Variants in ESRRG observed in about 807,000 individuals in gnomAD.
ESRRG encodes the protein estrogen related receptor gamma.
Under a neutral mutation model 44.0 loss-of-function variants are expected in ESRRG, and 13 were observed. The observed-to-expected ratio is 0.30, with a 90% CI of 0.19 to 0.47. The LOEUF (loss-of-function observed/expected upper bound fraction) is 0.47, where lower values mean the gene tolerates loss of function less well. ESRRG is among the 20% of genes least tolerant of loss of function. The pLI is 1.00. For synonymous variants in ESRRG, 215 were observed against 214.6 expected (o/e 1.00, Z -0.02); for missense variants, 395 against 580.6 (o/e 0.68, Z 3.29).
intron 2 of ESRRG, among the ~76,000 whole-genome samples, chr1:216,873,122 G>A (rs1395070714): frequency 6.6e-6 from 1 of 151,122 alleles, no homozygotes; most frequent in African/African-American, 2.4e-5. Flanking sequence ...GGATCTGTTG[G>A]TTTAATTCTG....
intron 3 of ESRRG, among the ~76,000 whole-genome samples, chr1:216,614,407 T>C (rs1350740649): frequency 6.6e-6 from 1 of 152,108 alleles, no homozygotes; most frequent in East Asian, 1.9e-4. Flanking sequence ...GTGAATATAG[T>C]CAATTCTATC....
chr1:216,708,573 G>A (rs559545900), intron 1 of ESRRG, among the ~76,000 whole-genome samples: 3 of 152,270 alleles, frequency 2.0e-5, no homozygotes, highest in African/African-American at 7.2e-5. Context: ...AGCAGATGCT[G>A]GAGAGGATGT....
At chr1:217,118,987 T>A (rs1056147698) in intron 1 of ESRRG, among the ~76,000 whole-genome samples, 26 of 150,914 alleles carry the variant, frequency 1.7e-4, no homozygotes, top group African/African-American at 5.9e-4. Context: ...AGTGAGACCC[T>A]ATCTCTAGAA....
intron 5 of ESRRG, among the ~76,000 whole-genome samples, chr1:216,563,392 C>A (rs1285811619): frequency 6.6e-6 from 1 of 152,120 alleles, no homozygotes; most frequent in East Asian, 1.9e-4. Flanking sequence ...TCAGTGTGGG[C>A]TGGGAAAGGG....
At chr1:216,796,961 G>A (rs1454481868) in intron 2 of ESRRG, among the ~76,000 whole-genome samples, 4 of 151,834 alleles carry the variant, frequency 2.6e-5, no homozygotes, top group South Asian at 2.1e-4. Flanking sequence ...GTGCGATCTC[G>A]GCTCACTACA....
At chr1:216,751,837 T>TATA (rs397810242) in intron 2 of ESRRG, among the ~76,000 whole-genome samples, 1 of 148,460 alleles carries the variant, frequency 6.7e-6, no homozygotes, top group African/African-American at 2.5e-5. Context: ...GATATATATA[T>TATA]TTTTTTCTTT....
chr1:216,837,175 C>T (rs1025007695), intron 2 of ESRRG, among the ~76,000 whole-genome samples: 2 of 151,574 alleles, frequency 1.3e-5, no homozygotes, highest in Admixed American at 6.6e-5. Flanking sequence ...TTTGGGAGGC[C>T]GAGGCGGGCA....
At chr1:216,768,852 T>C (rs988026310) in intron 2 of ESRRG, among the ~76,000 whole-genome samples, 2 of 151,964 alleles carry the variant, frequency 1.3e-5, no homozygotes, top group South Asian at 2.1e-4. Flanking sequence ...CTCAGAAAAG[T>C]GAATATCTTG....
At chr1:216,986,997 A>G (rs2074983461) in intron 1 of ESRRG, among the ~76,000 whole-genome samples, 1 of 152,214 alleles carries the variant, frequency 6.6e-6, no homozygotes, top group African/African-American at 2.4e-5. Flanking sequence ...TATTCTCTCT[A>G]TAGAAAATGA....
intron 1 of ESRRG, among the ~76,000 whole-genome samples, chr1:216,699,941 A>G (rs1476655009): frequency 1.3e-5 from 2 of 152,200 alleles, no homozygotes; most frequent in Non-Finnish European, 2.9e-5. Flanking sequence ...TTTCTCATTT[A>G]CAGTCTATCA....
intron 3 of ESRRG, among the ~76,000 whole-genome samples, chr1:216,571,080 T>C (rs1035621667): frequency 6.6e-6 from 1 of 152,156 alleles, no homozygotes; most frequent in Non-Finnish European, 1.5e-5. Flanking sequence ...AGCCATCAAG[T>C]AGTTTAGCCA....
intron 1 of ESRRG, among the ~76,000 whole-genome samples, chr1:217,126,836 C>T (rs181801895): frequency 2.8e-3 from 433 of 152,270 alleles, no homozygotes; most frequent in African/African-American, 9.7e-3. Context: ...CCACAGTACT[C>T]AGGCTAATTG....
At chr1:217,118,672 G>A (rs963876262) in intron 1 of ESRRG, among the ~76,000 whole-genome samples, 1 of 152,086 alleles carries the variant, frequency 6.6e-6, no homozygotes, top group Non-Finnish European at 1.5e-5. Context: ...TTAATGTGGG[G>A]TTAAGATAGG....
chr1:216,917,691 G>A (rs940058955), intron 2 of ESRRG, among the ~76,000 whole-genome samples: 6 of 152,176 alleles, frequency 3.9e-5, no homozygotes, highest in African/African-American at 1.4e-4. Context: ...CCAGTACCTA[G>A]TACAGAACCT....
intron 2 of ESRRG, among the ~76,000 whole-genome samples, chr1:216,797,088 C>T (rs1408044099): frequency 6.6e-6 from 1 of 151,948 alleles, no homozygotes; most frequent in Non-Finnish European, 1.5e-5. Flanking sequence ...GACGGGGTTT[C>T]ACCATGTTGG....
chr1:216,572,690 T>A (rs1017396040), intron 3 of ESRRG, among the ~76,000 whole-genome samples: 2 of 151,982 alleles, frequency 1.3e-5, no homozygotes, highest in African/African-American at 4.8e-5. Context: ...TCTAGAAAAG[T>A]CATTGGAAAA....
chr1:216,644,430 T>TTC (rs1553453716), intron 3 of ESRRG, among the ~76,000 whole-genome samples: 1 of 147,232 alleles, frequency 6.8e-6, no homozygotes, highest in Non-Finnish European at 1.5e-5. Context: ...TTTCTTTCTT[T>TTC]TTTTTTTTTT....
intron 1 of ESRRG, among the ~76,000 whole-genome samples, chr1:217,075,588 T>TC (rs1431513982): frequency 0.01 from 1,290 of 125,846 alleles, 11 homozygotes; most frequent in Admixed American, 0.015. Flanking sequence ...AATTGCTCCT[T>TC]TCCCCCCCCC....
At chr1:216,932,732 T>G (rs917499138) in intron 2 of ESRRG, among the ~76,000 whole-genome samples, 9 of 146,980 alleles carry the variant, frequency 6.1e-5, no homozygotes, top group Admixed American at 6.8e-5. Flanking sequence ...TTTTTTTTTT[T>G]TTTTTTTTTT....
Sources: allele counts gnomAD v4.1 joint callset (sites outside exome capture counted in the v4.1 genomes callset), GRCh38; gene constraint gnomAD v4.1.1; transcripts MANE v1.5; gene names NCBI Gene and HGNC (gene_info 2026-07-23, HGNC 2026-07-21).